PES1: variants seen among roughly 807,000 people sequenced by gnomAD.
The protein encoded by PES1 is pescadillo ribosomal biogenesis factor 1, also known as pescadillo homolog.
A neutral mutation model predicts 77.1 loss-of-function variants in PES1; 31 were observed. The ratio of observed to expected loss-of-function variants is 0.40; its 90% CI spans 0.30 to 0.54. The LOEUF (loss-of-function observed/expected upper bound fraction) is 0.54, where lower values mean the gene tolerates loss of function less well. Among genes scored for constraint, PES1 ranks in the 20% least tolerant of loss-of-function variants. PES1 has a pLI of 0.45. For missense variants in PES1, 658 were observed against 771.7 expected (o/e 0.85, Z 1.75); for synonymous variants, 282 against 303.0 (o/e 0.93, Z 0.72).
At chr22:30,586,822 G>A (rs1181653343) in intron 4 of PES1, among the ~76,000 whole-genome samples, 1 of 152,198 alleles carries the variant, frequency 6.6e-6, no homozygotes, top group East Asian at 1.9e-4. Flanking sequence ...TGGTGGTGGT[G>A]TCTGTAATCC....
chr22:30,597,914 C>T (rs1439825045), intron 2 of PES1, among the ~76,000 whole-genome samples: 1 of 131,396 alleles, frequency 7.6e-6, no homozygotes, highest in Non-Finnish European at 1.6e-5. Flanking sequence ...GTCGGAGTCT[C>T]ACTCTGTCGC....
intron 6 of PES1, 143 bp from the exon 7 acceptor site, chr22:30,581,787 C>CA (rs1380996522): frequency 1.7e-5 from 11 of 653,108 alleles, no homozygotes; most frequent in Non-Finnish European, 3.0e-5. Context: ...AGGCGCTGCC[C>CA]TAGGGAAGGG....
chr22:30,590,469 A>G (rs2087160099), intron 1 of PES1, among the ~76,000 whole-genome samples: 2 of 152,150 alleles, frequency 1.3e-5, no homozygotes, highest in Non-Finnish European at 1.5e-5. Context: ...TCTTTCCTTT[A>G]GACATTAATT....
chr22:30,598,587 C>T (rs1349736342), intron 2 of PES1, among the ~76,000 whole-genome samples: 2 of 152,030 alleles, frequency 1.3e-5, no homozygotes, highest in South Asian at 2.1e-4. Flanking sequence ...TGCTACCACG[C>T]CTGGCTCATT....
intron 1 of PES1, 147 bp from the exon 2 acceptor site, chr22:30,589,417 C>T (rs984493885): frequency 1.6e-5 from 11 of 666,788 alleles, no homozygotes; most frequent in African/African-American, 5.4e-5. Context: ...GGGAAGGAGC[C>T]GACCTGCCTG....
At chr22:30,584,202 A>G in intron 6 of PES1, 163 bp downstream of exon 6, 1 of 636,476 alleles carries the variant, frequency 1.6e-6, no homozygotes, top group South Asian at 1.8e-5. Flanking sequence ...TCCCGCTCTT[A>G]ATGAGGATGC....
At chr22:30,591,649 C>T in intron 1 of PES1, 161 bp downstream of exon 1, 1 of 708,460 alleles carries the variant, frequency 1.4e-6, no homozygotes, top group Non-Finnish European at 2.2e-6. Flanking sequence ...CGAATACTGC[C>T]ATCCTTGTCC....
At chr22:30,582,627 A>G (rs2087004349) in intron 6 of PES1, among the ~76,000 whole-genome samples, 1 of 152,120 alleles carries the variant, frequency 6.6e-6, no homozygotes, top group Non-Finnish European at 1.5e-5. Flanking sequence ...GCAACGTGAA[A>G]ATCAGTAGTG....
intron 1 of PES1, chr22:30,606,688 C>T (rs1245625644): frequency 2.1e-5 from 3 of 145,176 alleles, no homozygotes; most frequent in Non-Finnish European, 4.6e-5. Flanking sequence ...ACTCCCCCCC[C>T]CCACCGAACT....
At chr22:30,599,087 T>C (rs1287600875) in intron 2 of PES1, among the ~76,000 whole-genome samples, 1 of 151,514 alleles carries the variant, frequency 6.6e-6, no homozygotes, top group Non-Finnish European at 1.5e-5. Flanking sequence ...TAGTTAGAGA[T>C]GGGATTTTTA....
intron 2 of PES1, among the ~76,000 whole-genome samples, chr22:30,597,256 G>C (rs1255794874): frequency 6.6e-6 from 1 of 151,930 alleles, no homozygotes; most frequent in Non-Finnish European, 1.5e-5. Flanking sequence ...GCGGGAGCAT[G>C]AGAGCAGGAC....
At chr22:30,583,886 A>G (rs1022360684) in intron 6 of PES1, among the ~76,000 whole-genome samples, 1 of 152,050 alleles carries the variant, frequency 6.6e-6, no homozygotes. Context: ...AGGAAGGGGG[A>G]AGCAGAGAAG....
At chr22:30,592,573 G>T (rs951801540), upstream of PES1, among the ~76,000 whole-genome samples, 1 of 152,162 alleles carries the variant, frequency 6.6e-6, no homozygotes, top group Non-Finnish European at 1.5e-5. Flanking sequence ...AAGACAGGCG[G>T]ATCATCTGAG....
In PES1 at chr22:30,581,559, T is replaced by G; in HGVS notation, c.716A>C (p.Tyr239Ser). The G allele has an allele frequency of 6.2e-7, 1 of 1,613,792 alleles. No individual in the cohort carries two copies. Among genetic ancestry groups the G allele is most frequent in the Non-Finnish European group, 8.5e-7 (1 of 1,179,966 alleles). The part of the protein sequence containing the change: ...TLLGFVNFRL[Y>S]QLLNLHYPPK... ...GGGATAGTGGAGGTTGAGCAACTGGTAAAGGCGGAAGTTGACAAAGCCCAG... is the reference window on the plus strand; with the variant it reads ...GGGATAGTGGAGGTTGAGCAACTGGGAAAGGCGGAAGTTGACAAAGCCCAG... Residue 239 changes from tyrosine to serine, a missense_variant, in exon 7 of 15, where the codon TAC becomes TCC. By Grantham distance (144) the Tyr-to-Ser change is moderately radical. Transcript: ENST00000354694.
upstream of PES1, among the ~76,000 whole-genome samples, chr22:30,596,793 C>T (rs371770067): frequency 3.2e-3 from 484 of 152,320 alleles, 1 homozygote; most frequent in South Asian, 4.8e-3. Context: ...GCTGCTGCAC[C>T]GTGGGAGCCC....
In PES1 at chr22:30,579,942, C is replaced by A; in HGVS notation, c.1170-7G>T. The A allele has an allele frequency of 6.2e-7, 1 of 1,612,500 alleles. No homozygotes were observed. The highest frequency in any genetic ancestry group is 8.5e-7 in the Non-Finnish European group (1 of 1,178,672). ...CTGGGGCTGCACGTAGCACCTGGCGCAGAGTGGCAGGCAAAAACGAGTCAC... is the reference window on the plus strand; with the variant it reads ...CTGGGGCTGCACGTAGCACCTGGCGAAGAGTGGCAGGCAAAAACGAGTCAC... On this transcript the variant is annotated splice_region_variant and splice_polypyrimidine_tract_variant and intron_variant, in intron 11 of 14. Transcript: ENST00000354694.
At chr22:30,597,599 T>A (rs1049191500) in intron 2 of PES1, among the ~76,000 whole-genome samples, 61 of 151,694 alleles carry the variant, frequency 4.0e-4, no homozygotes, top group Non-Finnish European at 7.8e-4. Context: ...ATCAGCACCC[T>A]GTGTCTAGCT....
chr22:30,584,515 T>C, intron 5 of PES1, 31 bp downstream of exon 5: 1 of 1,608,474 alleles, frequency 6.2e-7, no homozygotes, highest in South Asian at 1.1e-5. Flanking sequence ...GGGGGCAGGG[T>C]GGGATGCCAG....
chr22:30,580,609 G>T lies in PES1; in HGVS notation c.1005C>A (p.Asn335Lys). The stretch of plus-strand genomic sequence containing the variant: ...CCAGGGCCTCACGGGGCACCTCTCG[G>T]TTCAGGAAGAACTTCAGGCCCTCAA... ...KLFEGLKFFL[N>K]REVPREALAF... Residue 335 changes from asparagine to lysine, a missense_variant, in exon 10 of 15, where the codon AAC (asparagine) becomes AAA (lysine). Asn to Lys is a moderately conservative substitution (Grantham distance 94, BLOSUM62 0). Transcript: ENST00000354694. 1 of 1,613,828 alleles carries T rather than the reference G, an allele frequency of 6.2e-7. No individual in the cohort carries two copies. Among genetic ancestry groups the T allele is most frequent in the Non-Finnish European group, 8.5e-7 (1 of 1,180,016 alleles).
Sources: gnomAD v4.1 joint callset for allele counts (sites outside exome capture counted in the v4.1 genomes callset) on GRCh38, gnomAD v4.1.1 for gene constraint, MANE v1.5 for transcripts, NCBI Gene and HGNC (gene_info 2026-07-23, HGNC 2026-07-21) for gene names.